MYT1L: variants seen among roughly 807,000 people sequenced by gnomAD.
MYT1L encodes myelin transcription factor 1 like.
Under a neutral mutation model 126.7 loss-of-function variants are expected in MYT1L, and 12 were observed. That is an observed-to-expected ratio of 0.09 (90% CI 0.06 to 0.15). MYT1L has a LOEUF of 0.15. Ranked by LOEUF, MYT1L falls within the 10% of genes least tolerant of loss-of-function variation. MYT1L has a pLI of 1.00. For missense variants in MYT1L, 979 were observed against 1,585.2 expected (o/e 0.62, Z 6.49); for synonymous variants, 541 against 604.2 (o/e 0.90, Z 1.53).
At chr2:1,879,622 G>C (rs1001683873) in intron 18 of MYT1L, among the ~76,000 whole-genome samples, 6 of 152,048 alleles carry the variant, frequency 3.9e-5, no homozygotes, top group African/African-American at 1.4e-4. Context: ...ATGTGTGTGT[G>C]CAAAGTAATA....
intron 2 of MYT1L, among the ~76,000 whole-genome samples, chr2:2,209,097 AT>A (rs2093415248): frequency 6.6e-6 from 1 of 152,126 alleles, no homozygotes. Flanking sequence ...TTTTTAAAAC[AT>A]TTTGTGTTTT....
chr2:1,965,925 C>T (rs1445629001), intron 8 of MYT1L, among the ~76,000 whole-genome samples: 1 of 152,242 alleles, frequency 6.6e-6, no homozygotes, highest in Non-Finnish European at 1.5e-5. Flanking sequence ...CCGTGTGAGA[C>T]AGTTACGTGC....
intron 3 of MYT1L, among the ~76,000 whole-genome samples, chr2:2,135,493 T>G (rs568181000): frequency 2.6e-4 from 39 of 152,350 alleles, no homozygotes; most frequent in African/African-American, 7.9e-4. Flanking sequence ...ATACACTGTG[T>G]AAGCTACTAA....
rs2093964921 is a variant in MYT1L, at chr2:2,224,743, C to T, written c.-420-51755G>A. On this transcript the variant is annotated intron_variant, in intron 2 of 24. Transcript: ENST00000647738. The surrounding 1 kb of genome is among the most constrained non-coding windows in gnomAD (Gnocchi z 4.0). ...CTGAGACAGGAGAATGACATGAACC[C>T]GGGAGGCGGAGCTTGCAGGGAGCTG... 1.3e-5 allele frequency among the ~76,000 whole-genome samples: 2 copies of T among 151,774 alleles called. No homozygotes were observed. The highest frequency in any genetic ancestry group is 4.8e-5 in the African/African-American group (2 of 41,306).
chr2:1,912,599 G>T lies in MYT1L; in HGVS notation c.1619-489C>A, dbSNP rs1384692712. 6.6e-6 allele frequency among the ~76,000 whole-genome samples: 1 copy of T among 152,110 alleles called. No homozygotes were observed. The highest frequency in any genetic ancestry group is 6.5e-5 in the Admixed American group (1 of 15,270). On this transcript the variant is annotated intron_variant, in intron 11 of 24. Transcript: ENST00000647738. This position sits in a 1 kb window ranked among gnomAD's most constrained non-coding sequence, Gnocchi z 4.3. ...GAAACACACAGCATTATGAACGTGT[G>T]GTGGGTAGATGAATACAGAACCACA...
At chr2:2,330,137 A>G (rs1384798162) in intron 1 of MYT1L, among the ~76,000 whole-genome samples, 2 of 152,064 alleles carry the variant, frequency 1.3e-5, no homozygotes, top group Admixed American at 6.5e-5. Flanking sequence ...TGGTTTTGGG[A>G]TGCTTTGGTC....
intron 3 of MYT1L, among the ~76,000 whole-genome samples, chr2:2,100,980 C>T (rs1273860043): frequency 1.3e-5 from 2 of 152,126 alleles, no homozygotes; most frequent in Non-Finnish European, 1.5e-5. Flanking sequence ...AATTTACTCA[C>T]ACCTGTAGCA....
At position 1,943,340 on chromosome 2, in the gene MYT1L, T is replaced by TA. The variant is rs1333472403; in HGVS notation, c.153-7dup. Reference sequence around the variant, plus strand: ...CCAAGGGACAACCATATACACTAATTAAAAAAATAGAGAAGGCAGGGGAGA... The same window carrying TA: ...CCAAGGGACAACCATATACACTAATTAAAAAAAATAGAGAAGGCAGGGGAGA... On this transcript the variant is annotated splice_polypyrimidine_tract_variant and splice_region_variant and intron_variant, in intron 8 of 24. Transcript: ENST00000647738. The surrounding 1 kb of genome is among the most constrained non-coding windows in gnomAD (Gnocchi z 4.4). The TA allele has an allele frequency of 2.0e-5, 30 of 1,537,520 alleles. No homozygotes were observed. Among genetic ancestry groups the TA allele is most frequent in the Non-Finnish European group, 2.4e-5 (28 of 1,144,224 alleles).
intron 9 of MYT1L, among the ~76,000 whole-genome samples, chr2:1,928,758 C>T (rs1417602260): frequency 6.6e-6 from 1 of 152,062 alleles, no homozygotes; most frequent in East Asian, 1.9e-4. Flanking sequence ...GCTGGAACTG[C>T]CAGCTTAGTG....
intron 2 of MYT1L, among the ~76,000 whole-genome samples, chr2:2,245,942 C>G (rs552832643): frequency 6.6e-6 from 1 of 152,124 alleles, no homozygotes; most frequent in Non-Finnish European, 1.5e-5. Context: ...AGGGATTCTC[C>G]CCTGGAGCCT....
At chr2:2,048,857 G>A (rs1193595390) in intron 4 of MYT1L, among the ~76,000 whole-genome samples, 2 of 152,196 alleles carry the variant, frequency 1.3e-5, no homozygotes, top group Non-Finnish European at 2.9e-5. Context: ...TAGGAGGACA[G>A]GGATCAGTAG....
In MYT1L at chr2:1,912,768, G is replaced by A. The variant is rs1214822405; in HGVS notation, c.1619-658C>T. ...AATTAACAAGCGGGAGAGGCCTCTT[G>A]CATGGACACCTTTTGTGGTGCAAGG... On this transcript the variant is annotated intron_variant, in intron 11 of 24. Transcript: ENST00000647738. This position sits in a 1 kb window ranked among gnomAD's most constrained non-coding sequence, Gnocchi z 4.3. Among the ~76,000 whole-genome samples the A allele has an allele frequency of 1.0e-5, 1 of 98,430 alleles. No individual in the cohort carries two copies. Among genetic ancestry groups the A allele is most frequent in the African/African-American group, 8.1e-5 (1 of 12,398 alleles). The allele number at this position is 98,430 out of a possible 152,430, so 64.6% of individuals were successfully genotyped here.
intron 4 of MYT1L, among the ~76,000 whole-genome samples, chr2:2,036,915 T>C (rs2066919931): frequency 6.6e-6 from 1 of 152,194 alleles, no homozygotes; most frequent in Admixed American, 6.5e-5. Flanking sequence ...AGGACATGGC[T>C]CCTTCCTTGG....
intron 3 of MYT1L, among the ~76,000 whole-genome samples, chr2:2,064,191 C>T (rs1424751060): frequency 6.6e-6 from 1 of 152,178 alleles, no homozygotes; most frequent in Admixed American, 6.5e-5. Context: ...GGGCAGACTT[C>T]ACATTATTCC....
At chr2:1,799,458 G>T (rs905692647) in intron 23 of MYT1L, among the ~76,000 whole-genome samples, 1 of 152,174 alleles carries the variant, frequency 6.6e-6, no homozygotes, top group Non-Finnish European at 1.5e-5. Context: ...ATCCACAGCT[G>T]GCATCAGAGC....
intron 3 of MYT1L, among the ~76,000 whole-genome samples, chr2:2,130,169 G>A (rs2082192622): frequency 6.6e-6 from 1 of 151,712 alleles, no homozygotes; most frequent in African/African-American, 2.4e-5. Context: ...CAGTATAAAA[G>A]GGGTTCCGAA....
chr2:2,088,284 A>G (rs1272592043), intron 3 of MYT1L, among the ~76,000 whole-genome samples: 5 of 152,226 alleles, frequency 3.3e-5, no homozygotes, highest in Non-Finnish European at 7.3e-5. Flanking sequence ...TTGGGAGAGC[A>G]GCACTGGCAC....
intron 14 of MYT1L, among the ~76,000 whole-genome samples, chr2:1,896,210 G>C (rs1157968094): frequency 3.3e-5 from 5 of 152,194 alleles, no homozygotes; most frequent in Non-Finnish European, 5.9e-5. Context: ...AGGCTGTGGA[G>C]AAAAGAGAAC....
intron 9 of MYT1L, among the ~76,000 whole-genome samples, chr2:1,936,888 G>A (rs1046872743): frequency 1.3e-5 from 2 of 152,260 alleles, no homozygotes; most frequent in Non-Finnish European, 2.9e-5. Flanking sequence ...GGATGCTCTA[G>A]CAACTTGGGG....
Sources: gnomAD v4.1 joint callset for allele counts (sites outside exome capture counted in the v4.1 genomes callset) on GRCh38, gnomAD v4.1.1 for gene constraint, Gnocchi (gnomAD v3.1) non-coding constraint, MANE v1.5 for transcripts, NCBI Gene and HGNC (gene_info 2026-07-23, HGNC 2026-07-21) for gene names.